Variants in PAG1 observed in about 807,000 individuals in gnomAD.
PAG1 encodes phosphoprotein associated with glycosphingolipid-enriched microdomains 1.
A neutral mutation model predicts 31.7 loss-of-function variants in PAG1; 23 were observed. The ratio of observed to expected loss-of-function variants is 0.73; its 90% CI spans 0.52 to 1.03. The LOEUF is 1.03. PAG1 is among the 50% of genes least tolerant of loss of function. PAG1 has a pLI of 0.00. For synonymous variants in PAG1, 214 were observed against 210.3 expected (o/e 1.02, Z -0.15); for missense variants, 473 against 540.7 (o/e 0.87, Z 1.24).
chr8:81,002,401 G>A (rs369440840), intron 3 of PAG1, among the ~76,000 whole-genome samples: 1 of 152,074 alleles, frequency 6.6e-6, no homozygotes, highest in Non-Finnish European at 1.5e-5. Flanking sequence ...GCCCCCTTTC[G>A]GCAGACAGCT....
chr8:81,003,161 C>T (rs1454145204), intron 3 of PAG1, among the ~76,000 whole-genome samples: 2 of 152,156 alleles, frequency 1.3e-5, no homozygotes, highest in Admixed American at 1.3e-4. Flanking sequence ...TATTAACAAG[C>T]CCTGCAGGTG....
Position 81,090,212 on chromosome 8 carries a change from G to A in PAG1, c.-233-20042C>T, listed in dbSNP as rs372892577. On this transcript the variant is annotated intron_variant, in intron 1 of 8. Coordinates refer to ENST00000220597, the MANE Select transcript of PAG1 (RefSeq NM_018440.4). ...GAACTCCCTCTTGGCTTTATCAATC[G>A]ATAGCATTCTACAAATATTCAGTGA... Among the ~76,000 whole-genome samples the A allele has an allele frequency of 1.1e-3, 160 of 152,202 alleles. 3 individuals carry two copies. In the South Asian group the frequency reaches 0.03, roughly 28 times the overall value.
intron 1 of PAG1, among the ~76,000 whole-genome samples, chr8:81,074,733 T>C (rs901371715): frequency 5.3e-5 from 8 of 152,134 alleles, no homozygotes; most frequent in Non-Finnish European, 1.2e-4. Context: ...AAAAACAGCC[T>C]TAAACCACTG....
At chr8:81,013,101 G>A (rs2130683510) in intron 3 of PAG1, among the ~76,000 whole-genome samples, 1 of 152,320 alleles carries the variant, frequency 6.6e-6, no homozygotes, top group East Asian at 1.9e-4. Flanking sequence ...TTAAAAGGCA[G>A]AGGTATGGGT....
intron 5 of PAG1, among the ~76,000 whole-genome samples, chr8:80,988,095 G>A (rs927859995): frequency 5.3e-5 from 8 of 152,298 alleles, no homozygotes; most frequent in East Asian, 1.9e-4. Flanking sequence ...AATCTTAGGG[G>A]CACTGGGAAT....
intron 1 of PAG1, among the ~76,000 whole-genome samples, chr8:81,093,596 C>G (rs917600532): frequency 6.6e-6 from 1 of 151,950 alleles, no homozygotes; most frequent in African/African-American, 2.4e-5. Flanking sequence ...GCCTTTACAA[C>G]ATGATCATGT....
chr8:81,034,679 T>C (rs1183995691), intron 2 of PAG1, among the ~76,000 whole-genome samples: 1 of 152,134 alleles, frequency 6.6e-6, no homozygotes, highest in Non-Finnish European at 1.5e-5. Flanking sequence ...TTCAACCTTG[T>C]TTGAGTCGTG....
chr8:80,992,295 T>G (rs898336018), intron 4 of PAG1, among the ~76,000 whole-genome samples: 1 of 152,242 alleles, frequency 6.6e-6, no homozygotes, highest in Admixed American at 6.5e-5. Flanking sequence ...GTCTTGGCTT[T>G]TCTCCTCCTG....
chr8:81,106,335 C>T (rs960666970), intron 1 of PAG1, among the ~76,000 whole-genome samples: 1 of 152,046 alleles, frequency 6.6e-6, no homozygotes, highest in East Asian at 1.9e-4. Context: ...CGTGAGTCAC[C>T]GCACCAGGCC....
chr8:80,996,933 C>T (rs1440196399), intron 3 of PAG1, among the ~76,000 whole-genome samples: 1 of 149,734 alleles, frequency 6.7e-6, no homozygotes, highest in Non-Finnish European at 1.5e-5. Context: ...ACAGGAAGGT[C>T]CCTGTGGCAA....
chr8:80,969,796 ACCC>A lies in PAG1; in HGVS notation c.*6745_*6747del, dbSNP rs1228542801. ...AAAGTTTTACAAAACCAAATGAAAC[ACCC>A]TGGCTCCTGAAGTATGTAGAAAATG... On this transcript the variant is annotated 3_prime_UTR_variant, in exon 9 of 9. Transcript: ENST00000220597. 6.6e-6 allele frequency: 1 copy of A among 152,228 alleles called. No homozygotes were observed. The highest frequency in any genetic ancestry group is 1.5e-5 in the Non-Finnish European group (1 of 68,038). 9.4% of individuals were successfully genotyped at this position (152,228 alleles called of 1,614,324 possible).
chr8:81,001,022 C>G (rs999845855), intron 3 of PAG1, among the ~76,000 whole-genome samples: 8 of 152,206 alleles, frequency 5.3e-5, no homozygotes, highest in Admixed American at 2.6e-4. Context: ...GAAAAAGGAG[C>G]CTTAAACATT....
chr8:80,979,603 G>T (rs951531693), intron 8 of PAG1, among the ~76,000 whole-genome samples: 1 of 152,146 alleles, frequency 6.6e-6, no homozygotes, highest in Non-Finnish European at 1.5e-5. Flanking sequence ...AACATTCAAC[G>T]TGGGTGTCTA....
chr8:81,089,182 G>A (rs532922113), intron 1 of PAG1, among the ~76,000 whole-genome samples: 12 of 152,320 alleles, frequency 7.9e-5, no homozygotes, highest in African/African-American at 2.2e-4. Flanking sequence ...TAAGTTTCAT[G>A]TTCAGTCACT....
intron 2 of PAG1, among the ~76,000 whole-genome samples, chr8:81,047,365 T>A (rs1187437483): frequency 6.6e-6 from 1 of 152,210 alleles, no homozygotes; most frequent in Non-Finnish European, 1.5e-5. Flanking sequence ...GTTTTTTGAC[T>A]TTTTAATAAC....
chr8:80,974,570 T>TG lies in PAG1; in HGVS notation c.*1973_*1974insC. 1 of 152,324 alleles carries TG rather than the reference T, an allele frequency of 6.6e-6. No individual in the cohort carries two copies. Among genetic ancestry groups the TG allele is most frequent in the Non-Finnish European group, 1.5e-5 (1 of 68,040 alleles). The allele number at this position is 152,324 out of a possible 1,614,324, so 9.4% of individuals were successfully genotyped here. A position where few individuals can be genotyped will look rare whatever the true frequency, so the allele number is the denominator to read the frequency against. On this transcript the variant is annotated 3_prime_UTR_variant, in exon 9 of 9. Transcript: ENST00000220597. ...GACAACCAACCAGTTTACCTCAACATAGCTCACTCTGCAATGTCAGACATG... is the reference window on the plus strand; with the variant it reads ...GACAACCAACCAGTTTACCTCAACATGAGCTCACTCTGCAATGTCAGACATG...
intron 1 of PAG1, among the ~76,000 whole-genome samples, chr8:81,070,561 TCAAA>T (rs1052689007): frequency 4.6e-5 from 7 of 151,144 alleles, no homozygotes; most frequent in African/African-American, 1.7e-4. Flanking sequence ...CCTGCACACC[TCAAA>T]CACAGACCCC....
At chr8:80,991,620 T>C in intron 4 of PAG1, 90 bp from the exon 5 acceptor site, 1 of 869,022 alleles carries the variant, frequency 1.2e-6, no homozygotes, top group South Asian at 1.4e-5. Context: ...TCTTATCAGC[T>C]TTTAAATCTC....
chr8:81,073,926 A>G (rs1809134010), intron 1 of PAG1, among the ~76,000 whole-genome samples: 1 of 152,116 alleles, frequency 6.6e-6, no homozygotes, highest in Non-Finnish European at 1.5e-5. Context: ...GGCAGGTCAG[A>G]GGGGGCTGGT....
Sources: allele counts gnomAD v4.1 joint callset (sites outside exome capture counted in the v4.1 genomes callset), GRCh38; gene constraint gnomAD v4.1.1; transcripts MANE v1.5; gene names NCBI Gene and HGNC (gene_info 2026-07-23, HGNC 2026-07-21).